UNC80: variants seen among roughly 807,000 people sequenced by gnomAD.
UNC80 encodes the protein unc-80 subunit of NALCN channel complex.
In UNC80, 164 loss-of-function variants were observed where a neutral mutation model predicts 384.6. That is an observed-to-expected ratio of 0.43 (90% CI 0.38 to 0.49). The LOEUF (loss-of-function observed/expected upper bound fraction) is 0.49, where lower values mean the gene tolerates loss of function less well. Ranked by LOEUF, UNC80 falls within the 20% of genes least tolerant of loss-of-function variation. UNC80 has a pLI of 0.00. For missense variants in UNC80, 3,330 were observed against 4,143.0 expected (o/e 0.80, Z 5.39); for synonymous variants, 1,486 against 1,527.8 (o/e 0.97, Z 0.64).
intron 18 of UNC80, among the ~76,000 whole-genome samples, chr2:209,836,487 T>C (rs921394112): frequency 2.0e-5 from 3 of 152,218 alleles, no homozygotes; most frequent in African/African-American, 7.2e-5. Flanking sequence ...AATTCCAAAA[T>C]ATTCTTTTTG....
intron 44 of UNC80, 107 bp downstream of exon 44, chr2:209,941,596 T>A (rs1049187093): frequency 8.0e-7 from 1 of 1,246,718 alleles, no homozygotes; most frequent in Non-Finnish European, 1.1e-6. Context: ...TGTTATCATC[T>A]TCTTTTGTGA....
At chr2:209,820,129 A>G (rs895349928) in intron 12 of UNC80, among the ~76,000 whole-genome samples, 182 bp from the exon 13 acceptor site, 1 of 152,210 alleles carries the variant, frequency 6.6e-6, no homozygotes, top group Non-Finnish European at 1.5e-5. Flanking sequence ...TACACGCTCT[A>G]TTAAGTAAAT....
intron 7 of UNC80, among the ~76,000 whole-genome samples, chr2:209,796,797 A>G (rs2370830): frequency 0.27 from 40,587 of 152,110 alleles, 6,686 homozygotes; most frequent in African/African-American, 0.47. Context: ...TGTAAGTCCA[A>G]TTAAACCTGT....
chr2:209,948,980 C>T (rs1488454339), intron 47 of UNC80, among the ~76,000 whole-genome samples: 1 of 151,944 alleles, frequency 6.6e-6, no homozygotes. Context: ...TCTTTATTTT[C>T]TAAGTGTGAT....
chr2:209,849,802 C>A (rs113409689), intron 22 of UNC80, among the ~76,000 whole-genome samples, 179 bp downstream of exon 22: 35 of 151,828 alleles, frequency 2.3e-4, no homozygotes, highest in African/African-American at 8.0e-4. Context: ...ATTAATATGC[C>A]CTGGGAAATA....
intron 10 of UNC80, 102 bp from the exon 11 acceptor site, chr2:209,817,710 A>G (rs2079842384): frequency 1.4e-6 from 2 of 1,381,896 alleles, no homozygotes; most frequent in South Asian, 1.5e-5. Context: ...ACTTTTCCTA[A>G]CAGCCCCACA....
At chr2:209,924,228 ACT>A (rs1250449658) in intron 35 of UNC80, among the ~76,000 whole-genome samples, 6 of 151,934 alleles carry the variant, frequency 3.9e-5, no homozygotes, top group Admixed American at 3.9e-4. Flanking sequence ...TAATGTGGAA[ACT>A]CTGCAAATCA....
At position 209,993,396 on chromosome 2, in the gene UNC80, A is replaced by G. The variant is rs1166275080; in HGVS notation, c.9478A>G (p.Arg3160Gly). Residue 3160 changes from arginine (R) to glycine (G), a missense_variant, in exon 63 of 65, where the codon AGG becomes GGG. Arg to Gly is a moderately radical substitution (Grantham distance 125). Around this residue, in one of 8 missense-constraint regions of UNC80, gnomAD observed 236 missense variants for 254.9 expected, o/e 0.93. Transcript: ENST00000673920. The part of the protein sequence containing the change: ...RQGARLSTTR[R>G]SIQPKTKPSA... Reference sequence around the variant, plus strand: ...AGGGGCTCGGCTGTCAACCACTCGCAGGAGCATTCAACCTAAAACGAAGCC... The same window carrying G: ...AGGGGCTCGGCTGTCAACCACTCGCGGGAGCATTCAACCTAAAACGAAGCC... 1 of 1,551,562 alleles carries G rather than the reference A, an allele frequency of 6.4e-7. No homozygotes were observed. Among genetic ancestry groups the G allele is most frequent in the African/African-American group, 1.4e-5 (1 of 73,042 alleles).
chr2:209,967,257 A>G (rs947137926), intron 51 of UNC80, among the ~76,000 whole-genome samples, 180 bp from the exon 52 acceptor site: 14 of 152,232 alleles, frequency 9.2e-5, no homozygotes, highest in Admixed American at 3.3e-4. Flanking sequence ...ATGCATATGT[A>G]GGTATCACTG....
chr2:209,962,431 G>C (rs144631771), intron 51 of UNC80, among the ~76,000 whole-genome samples: 3 of 152,072 alleles, frequency 2.0e-5, no homozygotes, highest in African/African-American at 7.2e-5. Context: ...TTGTTAAAAG[G>C]GAAGAGTAGT....
rs528795048 is a variant in UNC80, at chr2:209,987,774, GA to G, written c.9314+2866del. 1.3e-3 allele frequency among the ~76,000 whole-genome samples: 191 copies of G among 151,448 alleles called. 1 individual carries two copies. The highest frequency in any genetic ancestry group is 4.4e-3 in the African/African-American group (180 of 41,372). Reference sequence around the variant, plus strand: ...TTGAACAAGACTATATAGTCTAGGTGAAAAGAAAGAAAAATAACCTATATAG... The same window carrying G: ...TTGAACAAGACTATATAGTCTAGGTGAAAGAAAGAAAAATAACCTATATAG... On this transcript the variant is annotated intron_variant, in intron 61 of 64. Transcript: ENST00000673920.
chr2:209,857,122 C>T (rs1190561096), intron 22 of UNC80, among the ~76,000 whole-genome samples: 2 of 152,036 alleles, frequency 1.3e-5, no homozygotes, highest in Non-Finnish European at 2.9e-5. Context: ...TCCATGTATC[C>T]TGAGTCAACC....
At chr2:209,944,424 ACCT>A (rs2091812813) in intron 45 of UNC80, among the ~76,000 whole-genome samples, 2 of 151,976 alleles carry the variant, frequency 1.3e-5, no homozygotes, top group Non-Finnish European at 2.9e-5. Context: ...TGAAAGCAAG[ACCT>A]TTGTATGCTT....
At chr2:209,936,211 C>CTCA (rs1489504554) in intron 40 of UNC80, among the ~76,000 whole-genome samples, 2 of 152,130 alleles carry the variant, frequency 1.3e-5, no homozygotes, top group Non-Finnish European at 2.9e-5. Context: ...CATTTTTATA[C>CTCA]TCACGATGAA....
At chr2:209,911,881 T>C (rs535238397) in intron 29 of UNC80, among the ~76,000 whole-genome samples, 1 of 152,332 alleles carries the variant, frequency 6.6e-6, no homozygotes, top group East Asian at 1.9e-4. Flanking sequence ...GAAATTGTCT[T>C]ATTCGTCCTT....
At chr2:209,827,959 C>A (rs371815061) in intron 14 of UNC80, among the ~76,000 whole-genome samples, 232 of 152,190 alleles carry the variant, frequency 1.5e-3, no homozygotes, top group Middle Eastern at 6.8e-3. Context: ...AGTTTTATAT[C>A]TTTTGAAGAA....
intron 47 of UNC80, among the ~76,000 whole-genome samples, chr2:209,952,092 T>A (rs2092214347): frequency 6.6e-6 from 1 of 152,252 alleles, no homozygotes; most frequent in Non-Finnish European, 1.5e-5. Flanking sequence ...TTTTGTTATC[T>A]CTTATTTAAC....
intron 18 of UNC80, among the ~76,000 whole-genome samples, chr2:209,837,154 A>C (rs917299359): frequency 6.6e-6 from 1 of 152,256 alleles, no homozygotes; most frequent in East Asian, 1.9e-4. Context: ...TGAGATTTTA[A>C]GAAATTCTGG....
intron 29 of UNC80, among the ~76,000 whole-genome samples, chr2:209,910,364 C>T (rs144474388): frequency 1.3e-3 from 202 of 151,952 alleles, no homozygotes; most frequent in African/African-American, 4.6e-3. Flanking sequence ...ACTTTAAGAC[C>T]TTTACAAGAG....
Sources: allele counts gnomAD v4.1 joint callset (sites outside exome capture counted in the v4.1 genomes callset), GRCh38; gene constraint gnomAD v4.1.1; regional missense constraint gnomAD v4.1.1; transcripts MANE v1.5; gene names NCBI Gene and HGNC (gene_info 2026-07-23, HGNC 2026-07-21).